Variants in GPM6A observed in about 807,000 individuals in gnomAD.
GPM6A encodes the protein neuronal membrane glycoprotein M6-a.
A neutral mutation model predicts 32.1 loss-of-function variants in GPM6A; 7 were observed. The ratio of observed to expected loss-of-function variants is 0.22; its 90% CI spans 0.12 to 0.41. The LOEUF is 0.41. Ranked by LOEUF, GPM6A falls within the 10% of genes least tolerant of loss-of-function variation. The pLI is 1.00. For missense variants in GPM6A, 235 were observed against 347.2 expected, an observed-to-expected ratio of 0.68 and a Z score of 2.57; for synonymous variants, 130 against 123.4, an observed-to-expected ratio of 1.05 and a Z score of -0.35.
intron 1 of GPM6A, among the ~76,000 whole-genome samples, chr4:175,876,195 G>A (rs1000347929): frequency 6.6e-6 from 1 of 152,124 alleles, no homozygotes; most frequent in African/African-American, 2.4e-5. Context: ...TAGTATTACT[G>A]TGGGTAGAAA....
At chr4:175,924,922 C>T (rs868803777) in intron 1 of GPM6A, among the ~76,000 whole-genome samples, 6 of 150,820 alleles carry the variant, frequency 4.0e-5, no homozygotes, top group Middle Eastern at 3.2e-3. Flanking sequence ...TGCAAATCTA[C>T]AATTATTTAT....
At chr4:175,753,718 A>T (rs1732424643) in intron 1 of GPM6A, among the ~76,000 whole-genome samples, 1 of 152,068 alleles carries the variant, frequency 6.6e-6, no homozygotes, top group Non-Finnish European at 1.5e-5. Flanking sequence ...TGCTTTCTTT[A>T]CTTTCCAACC....
In GPM6A at chr4:175,749,755, A is replaced by T. The variant is rs561799453; in HGVS notation, c.38-47988T>A. Among the ~76,000 whole-genome samples, 19 of 152,328 alleles carry T rather than the reference A, an allele frequency of 1.2e-4. No individual in the cohort carries two copies. In the South Asian group the frequency reaches 3.3e-3, roughly 27 times the overall value. On this transcript the variant is annotated intron_variant, in intron 1 of 6. Transcript: ENST00000393658. ...ATCACCCTTACTTTTTTATATTTAC[A>T]TAAAATGTCATGATAATCAGGGTGT...
chr4:175,812,179 T>C lies in GPM6A; in HGVS notation c.37+12A>G. ...ATTACTTAGTTACAAATAAACGCTTTTAGCACAGTACCTTTTTGTGTCTGT... is the reference window on the plus strand; with the variant it reads ...ATTACTTAGTTACAAATAAACGCTTCTAGCACAGTACCTTTTTGTGTCTGT... On this transcript the variant is annotated intron_variant, in intron 1 of 6. Transcript: ENST00000393658. 6.4e-7 allele frequency: 1 copy of C among 1,569,898 alleles called. No individual in the cohort carries two copies. Among genetic ancestry groups the C allele is most frequent in the Non-Finnish European group, 8.7e-7 (1 of 1,146,360 alleles).
chr4:175,936,306 C>CAAAAAAAAAA lies in GPM6A; in HGVS notation c.-23+65993_-23+66002dup, dbSNP rs35653197. Reference sequence around the variant, plus strand: ...GGGCGACACAGCGAGACTCTGTCTCCAAAAAAAAAAAAAAAAAAAAAAAAA... The same window carrying CAAAAAAAAAA: ...GGGCGACACAGCGAGACTCTGTCTCCAAAAAAAAAAAAAAAAAAAAAAAAAAAAAAAAAAA... On this transcript the variant is annotated intron_variant, in intron 1 of 7. Coordinates refer to the GPM6A transcript ENST00000280187. 1.8e-3 allele frequency among the ~76,000 whole-genome samples: 81 copies of CAAAAAAAAAA among 45,602 alleles called. 4 individuals are homozygous for CAAAAAAAAAA. The highest frequency in any genetic ancestry group is 4.4e-3 in the East Asian group (5 of 1,142). 29.9% of individuals were successfully genotyped at this position (45,602 alleles called of 152,430 possible).
At chr4:175,920,380 T>A (rs773707522) in intron 1 of GPM6A, among the ~76,000 whole-genome samples, 7 of 152,058 alleles carry the variant, frequency 4.6e-5, no homozygotes. Context: ...TCTTATAAAA[T>A]GACACAAAAA....
chr4:175,692,448 T>C (rs1560878431), intron 2 of GPM6A, among the ~76,000 whole-genome samples: 1 of 152,166 alleles, frequency 6.6e-6, no homozygotes, highest in Non-Finnish European at 1.5e-5. Context: ...TTTCTGAGTT[T>C]ACTAGTGAGG....
chr4:175,689,886 A>T (rs1398088248), intron 2 of GPM6A, among the ~76,000 whole-genome samples: 1 of 152,136 alleles, frequency 6.6e-6, no homozygotes, highest in Non-Finnish European at 1.5e-5. Context: ...CAGTCCCTCA[A>T]CCAACCCTCC....
intron 6 of GPM6A, among the ~76,000 whole-genome samples, chr4:175,636,301 T>TACAC (rs1384081196): frequency 7.6e-6 from 1 of 130,754 alleles, no homozygotes; most frequent in Admixed American, 7.9e-5. Context: ...TATATATACA[T>TACAC]ATATATATGG....
chr4:175,704,212 G>A (rs867409296), intron 1 of GPM6A, among the ~76,000 whole-genome samples: 1 of 152,008 alleles, frequency 6.6e-6, no homozygotes, highest in African/African-American at 2.4e-5. Flanking sequence ...TGCCCCAGAG[G>A]AGGTTAAAAA....
intron 4 of GPM6A, 165 bp from the exon 5 acceptor site, chr4:175,640,994 T>C: frequency 3.3e-6 from 2 of 597,596 alleles, no homozygotes; most frequent in South Asian, 2.1e-5. Context: ...TAACTATGCA[T>C]AGAATTATGA....
chr4:175,924,383 AC>A (rs1738764288), intron 1 of GPM6A, among the ~76,000 whole-genome samples: 2 of 152,144 alleles, frequency 1.3e-5, no homozygotes, highest in Admixed American at 1.3e-4. Context: ...ACACATTGTA[AC>A]CCCCAAAGGT....
chr4:175,988,671 C>T (rs1741049255), intron 1 of GPM6A, among the ~76,000 whole-genome samples: 1 of 152,096 alleles, frequency 6.6e-6, no homozygotes, highest in Admixed American at 6.6e-5. Context: ...TAGAAGCTGT[C>T]ATTGGTCTAA....
chr4:175,848,600 A>C (rs186807614), intron 1 of GPM6A, among the ~76,000 whole-genome samples: 97 of 152,298 alleles, frequency 6.4e-4, no homozygotes, highest in African/African-American at 2.1e-3. Context: ...TTCTGGCTTT[A>C]CCTTGCACTA....
intron 1 of GPM6A, among the ~76,000 whole-genome samples, chr4:175,949,993 A>G (rs1049590578): frequency 6.6e-6 from 1 of 152,238 alleles, no homozygotes; most frequent in South Asian, 2.1e-4. Context: ...CAGACAATGT[A>G]TAAACACCAA....
At chr4:175,769,072 G>T (rs1733088348) in intron 1 of GPM6A, among the ~76,000 whole-genome samples, 3 of 152,120 alleles carry the variant, frequency 2.0e-5, no homozygotes, top group Admixed American at 2.0e-4. Flanking sequence ...TCCAGCCTGG[G>T]CAGCAGAGTG....
At chr4:175,636,667 G>C (rs577270573) in intron 6 of GPM6A, among the ~76,000 whole-genome samples, 1 of 150,788 alleles carries the variant, frequency 6.6e-6, no homozygotes, top group Admixed American at 6.6e-5. Context: ...GTGGTGCCAC[G>C]TGCCTGTAAT....
At chr4:175,729,804 T>A (rs1225708319) in intron 1 of GPM6A, among the ~76,000 whole-genome samples, 1 of 147,136 alleles carries the variant, frequency 6.8e-6, no homozygotes, top group East Asian at 1.9e-4. Context: ...TATTATATTA[T>A]ATTATATATT....
At chr4:175,975,343 T>C (rs1017654380) in intron 1 of GPM6A, among the ~76,000 whole-genome samples, 6 of 152,232 alleles carry the variant, frequency 3.9e-5, no homozygotes, top group Non-Finnish European at 8.8e-5. Context: ...ACAAGATTTA[T>C]TGGGTCATGT....
Sources: gnomAD v4.1 joint callset for allele counts (sites outside exome capture counted in the v4.1 genomes callset) on GRCh38, gnomAD v4.1.1 for gene constraint, MANE v1.5 for transcripts, NCBI Gene and HGNC (gene_info 2026-07-23, HGNC 2026-07-21) for gene names.